ERAP2: variants seen among roughly 807,000 people sequenced by gnomAD.
ERAP2 encodes the protein endoplasmic reticulum aminopeptidase 2, also known as leukocyte-derived arginine aminopeptidase.
A neutral mutation model predicts 111.1 loss-of-function variants in ERAP2; 118 were observed. The ratio of observed to expected loss-of-function variants is 1.06; its 90% CI spans 0.92 to 1.24. ERAP2 has a LOEUF of 1.24. ERAP2 is among the 50% of genes most tolerant of loss of function. ERAP2 has a pLI of 0.00. For synonymous variants in ERAP2, 410 were observed against 401.2 expected, an observed-to-expected ratio of 1.02 and a Z score of -0.26; for missense variants, 1,131 against 1,125.8, an observed-to-expected ratio of 1.00 and a Z score of -0.07.
chr5:96,887,117 ACACAC>A (rs1783833323), intron 4 of ERAP2, among the ~76,000 whole-genome samples: 2 of 149,614 alleles, frequency 1.3e-5, no homozygotes, highest in Non-Finnish European at 3.0e-5. Flanking sequence ...ACACACACAC[ACACAC>A]ACACATACAT....
At chr5:96,881,385 G>A (rs1231300550) in intron 2 of ERAP2, 3 of 455,574 alleles carry the variant, frequency 6.6e-6, no homozygotes, top group Admixed American at 4.7e-5. Flanking sequence ...AGAGATTGCT[G>A]ACATATTGGT....
intron 3 of ERAP2, among the ~76,000 whole-genome samples, 154 bp downstream of exon 3, chr5:96,884,084 T>C (rs1287555707): frequency 6.7e-6 from 1 of 149,540 alleles, no homozygotes; most frequent in African/African-American, 2.5e-5. Context: ...CTATCTATCA[T>C]CATAATTTCA....
chr5:96,904,520 G>A (rs76196261), intron 13 of ERAP2, among the ~76,000 whole-genome samples: 6,320 of 152,160 alleles, frequency 0.042, 255 homozygotes, highest in East Asian at 0.13. Flanking sequence ...CCTCAGTCCC[G>A]TGGGTCTCAG....
chr5:96,913,490 T>C, intron 17 of ERAP2, 33 bp downstream of exon 17: 1 of 1,611,190 alleles, frequency 6.2e-7, no homozygotes, highest in African/African-American at 1.3e-5. Context: ...TGTTTGTTCT[T>C]CCATGCAGAT....
rs373745801 is a variant in ERAP2, at chr5:96,909,101, T to C, written c.2153T>C (p.Ile718Thr). The change falls in exon 14 of 19, where the codon ATC (isoleucine) becomes ACC (threonine). Residue 718 changes from isoleucine (I) to threonine (T), a missense_variant. Coordinates refer to ENST00000437043, the MANE Select transcript of ERAP2 (RefSeq NM_022350.5). ...HMMDRRNISDISENLKRYLLQ... is the reference protein window; with the variant it reads ...HMMDRRNISDTSENLKRYLLQ... Reference sequence around the variant, plus strand: ...ATGGACAGAAGGAATATTTCAGATATCTCTGAAAACCTCAAGGTTTGTGTT... The same window carrying C: ...ATGGACAGAAGGAATATTTCAGATACCTCTGAAAACCTCAAGGTTTGTGTT... 664 of 1,613,962 alleles carry C rather than the reference T, an allele frequency of 4.1e-4. No homozygotes were observed. The highest frequency in any genetic ancestry group is 5.5e-4 in the Non-Finnish European group (653 of 1,179,980).
intron 7 of ERAP2, 151 bp from the exon 8 acceptor site, chr5:96,896,222 A>G: frequency 1.9e-6 from 1 of 526,952 alleles, no homozygotes; most frequent in South Asian, 3.3e-5. Context: ...CCCTTTGGCC[A>G]AAGGGGAATA....
chr5:96,917,276 TTTGTTG>T (rs199764969), intron 18 of ERAP2, among the ~76,000 whole-genome samples, 180 bp from the exon 19 acceptor site: 1 of 151,976 alleles, frequency 6.6e-6, no homozygotes, highest in African/African-American at 2.4e-5. Context: ...CCGACTAATT[TTTGTTG>T]TTGTTGTTGT....
At position 96,880,132 on chromosome 5, in the gene ERAP2, A is replaced by T; in HGVS notation, c.447A>T (p.Ala149=). ...GTTACCCTGCTCATGAACAAATTGC[A>T]CTGCTGGTTCCAGAGAAACTTACGC... ...VLSYPAHEQI[A]LLVPEKLTPH... The change falls in exon 2 of 19, where the codon GCA becomes GCT. Residue 149 remains alanine, a synonymous_variant. Transcript: ENST00000437043. 6.2e-7 allele frequency: 1 copy of T among 1,614,152 alleles called. No homozygotes were observed. Among genetic ancestry groups the T allele is most frequent in the Non-Finnish European group, 8.5e-7 (1 of 1,180,008 alleles).
At chr5:96,878,225 C>A (rs1478897642) in intron 1 of ERAP2, among the ~76,000 whole-genome samples, 3 of 109,000 alleles carry the variant, frequency 2.8e-5, no homozygotes, top group African/African-American at 1.1e-4. Context: ...AAGAACCGAA[C>A]CTTAAAAAAA....
intron 4 of ERAP2, 74 bp from the exon 5 acceptor site, chr5:96,889,111 T>G: frequency 4.5e-6 from 7 of 1,571,746 alleles, no homozygotes; most frequent in African/African-American, 1.4e-5. Flanking sequence ...CCTTTCTGTG[T>G]GAGAGGGTTA....
chr5:96,884,358 C>T (rs1348082734), intron 3 of ERAP2, among the ~76,000 whole-genome samples: 2 of 152,152 alleles, frequency 1.3e-5, no homozygotes, highest in Non-Finnish European at 2.9e-5. Context: ...TTCTACCTTT[C>T]CAACAAGCCT....
At position 96,879,870 on chromosome 5, in the gene ERAP2, T is replaced by A. The variant is rs199924315; in HGVS notation, c.185T>A (p.Phe62Tyr). 103 of 1,614,176 alleles carry A rather than the reference T, an allele frequency of 6.4e-5. No homozygotes were observed. The Admixed American group carries it at 1.7e-3, about 26-fold the overall frequency. ...CCAGTAGCCACTAATGGGGAACGAT[T>A]TCCTTGGCAGGAGCTAAGGCTCCCC... ...AFPVATNGER[F>Y]PWQELRLPSV... The change falls in exon 2 of 19, where the codon TTT (phenylalanine) becomes TAT (tyrosine). Residue 62 changes from phenylalanine to tyrosine, a missense_variant. Transcript: ENST00000437043.
At chr5:96,897,456 T>C (rs1382002519) in intron 9 of ERAP2, among the ~76,000 whole-genome samples, 1 of 152,256 alleles carries the variant, frequency 6.6e-6, no homozygotes, top group African/African-American at 2.4e-5. Flanking sequence ...AGTGCACTTA[T>C]AATCTGTTCC....
At chr5:96,912,287 C>T (rs1786886095) in intron 15 of ERAP2, among the ~76,000 whole-genome samples, 1 of 151,118 alleles carries the variant, frequency 6.6e-6, no homozygotes. Flanking sequence ...CTTATAGCAC[C>T]AATAGTGGCC....
intron 15 of ERAP2, chr5:96,910,274 A>AG (rs551743288): frequency 1.3e-5 from 2 of 151,912 alleles, no homozygotes; most frequent in African/African-American, 4.8e-5. Context: ...CAAAAAAAAA[A>AG]AAAAAACTTT....
intron 1 of ERAP2, among the ~76,000 whole-genome samples, chr5:96,879,328 A>T (rs1782899512): frequency 6.6e-6 from 1 of 152,266 alleles, no homozygotes; most frequent in African/African-American, 2.4e-5. Flanking sequence ...ACAAGAATTC[A>T]GAAGAAATTC....
Position 96,880,061 on chromosome 5 carries a change from G to C in ERAP2, c.376G>C (p.Glu126Gln). 21 of 1,614,136 alleles carry C rather than the reference G, an allele frequency of 1.3e-5. No homozygotes were observed. The highest frequency in any genetic ancestry group is 1.8e-5 in the Non-Finnish European group (21 of 1,180,010). Residue 126 changes from glutamate to glutamine, a missense_variant, in exon 2 of 19, where the codon GAA becomes CAA. Coordinates refer to ENST00000437043, the MANE Select transcript of ERAP2 (RefSeq NM_022350.5). The part of the protein sequence containing the change: ...EITNATLQSE[E>Q]DSRYMKPGKE... ...CACGAATGCCACCCTTCAGTCAGAG[G>C]AAGATTCAAGATACATGAAACCAGG...
At chr5:96,912,114 C>T (rs1421447204) in intron 15 of ERAP2, among the ~76,000 whole-genome samples, 1 of 148,866 alleles carries the variant, frequency 6.7e-6, no homozygotes, top group Non-Finnish European at 1.5e-5. Flanking sequence ...GGTGTGAACC[C>T]CGGGGGGCGG....
chr5:96,891,507 A>G (rs763146941), intron 5 of ERAP2, among the ~76,000 whole-genome samples: 4,839 of 45,606 alleles, frequency 0.11, 239 homozygotes, highest in African/African-American at 0.23. Flanking sequence ...GTGTATATAT[A>G]TATATATATG....
Sources: allele counts gnomAD v4.1 joint callset (sites outside exome capture counted in the v4.1 genomes callset), GRCh38; gene constraint gnomAD v4.1.1; transcripts MANE v1.5; gene names NCBI Gene and HGNC (gene_info 2026-07-23, HGNC 2026-07-21).